Variants in GALC observed in about 807,000 individuals in gnomAD.
GALC encodes galactocerebrosidase.
A neutral mutation model predicts 91.8 loss-of-function variants in GALC; 77 were observed. The ratio of observed to expected loss-of-function variants is 0.84; its 90% CI spans 0.70 to 1.01. The LOEUF (loss-of-function observed/expected upper bound fraction) is 1.01. Among genes scored for constraint, GALC ranks in the 50% least tolerant of loss-of-function variants. GALC has a pLI of 0.00. For missense variants in GALC, 882 were observed against 855.9 expected (o/e 1.03, Z -0.38); for synonymous variants, 357 against 306.7 (o/e 1.16, Z -1.71).
chr14:87,979,518 T>C (rs1886649705), intron 6 of GALC, among the ~76,000 whole-genome samples: 1 of 152,216 alleles, frequency 6.6e-6, no homozygotes. Flanking sequence ...ACAATTAGTC[T>C]TTCAAACCAG....
At chr14:87,954,638 C>CT (rs1343149858) in intron 10 of GALC, 9 of 1,581,078 alleles carry the variant, frequency 5.7e-6, no homozygotes, top group Non-Finnish European at 6.9e-6. Flanking sequence ...AGCAACCCAC[C>CT]TAGAGGATAA....
At chr14:87,944,852 G>A (rs1884999988) in intron 14 of GALC, among the ~76,000 whole-genome samples, 1 of 151,848 alleles carries the variant, frequency 6.6e-6, no homozygotes, top group East Asian at 1.9e-4. Flanking sequence ...GGTATTACTA[G>A]TACTAGCTCT....
chr14:87,974,381 T>C (rs749615618), intron 7 of GALC, among the ~76,000 whole-genome samples: 84 of 152,178 alleles, frequency 5.5e-4, no homozygotes, highest in Middle Eastern at 3.4e-3. Context: ...AAGAAATAAA[T>C]CATAATGAAG....
At chr14:87,970,202 T>C (rs1440897147) in intron 7 of GALC, among the ~76,000 whole-genome samples, 1 of 152,192 alleles carries the variant, frequency 6.6e-6, no homozygotes, top group East Asian at 1.9e-4. Flanking sequence ...ACTCATCTAG[T>C]TGTCATCCAG....
chr14:87,950,617 T>C (rs1885262601), intron 11 of GALC, 42 bp downstream of exon 11: 2 of 1,240,680 alleles, frequency 1.6e-6, no homozygotes, highest in Middle Eastern at 2.1e-4. Context: ...ATATATAAAT[T>C]CTTAAATCAA....
intron 1 of GALC, chr14:87,992,718 C>T (rs1201212631): frequency 7.0e-7 from 1 of 1,429,480 alleles, no homozygotes; most frequent in East Asian, 2.5e-5. Flanking sequence ...CTCTCTGCAC[C>T]TATACTCTCT....
At chr14:87,950,938 G>C (rs1461080420) in intron 10 of GALC, among the ~76,000 whole-genome samples, 190 bp from the exon 11 acceptor site, 2 of 151,568 alleles carry the variant, frequency 1.3e-5, no homozygotes, top group East Asian at 1.9e-4. Context: ...TATGTTCCTA[G>C]TCAAATACAA....
At position 87,982,531 on chromosome 14, in the gene GALC, C is replaced by T. The variant is rs74563284; in HGVS notation, c.583-288G>A. 0.11 allele frequency among the ~76,000 whole-genome samples: 17,206 copies of T among 152,146 alleles called. 1,146 individuals are homozygous for T. Among genetic ancestry groups the T allele is most frequent in the Non-Finnish European group, 0.16 (10,618 of 67,980 alleles). ...ATGGAATATTCATTAATTCATTCAA[C>T]ACATACTGACAGTACAATGTGTGCC... On this transcript the variant is annotated intron_variant, in intron 5 of 16. Coordinates refer to ENST00000261304, the MANE Select transcript of GALC (RefSeq NM_000153.4).
chr14:87,948,362 G>A (rs769454601), intron 12 of GALC, among the ~76,000 whole-genome samples: 37 of 152,068 alleles, frequency 2.4e-4, no homozygotes, highest in Non-Finnish European at 4.7e-4. Flanking sequence ...ATTTCAACTA[G>A]CAAGTTAGGC....
intron 1 of GALC, among the ~76,000 whole-genome samples, chr14:87,990,532 G>A (rs115196956): frequency 0.035 from 5,337 of 152,306 alleles, 319 homozygotes; most frequent in African/African-American, 0.12. Flanking sequence ...CAACCTAGCA[G>A]AGGCTCCAAT....
intron 14 of GALC, 51 bp downstream of exon 14, chr14:87,945,502 A>T: frequency 7.6e-7 from 1 of 1,310,736 alleles, no homozygotes; most frequent in Non-Finnish European, 1.1e-6. Flanking sequence ...TGTACCTGAC[A>T]ATATTACAAG....
At chr14:87,947,901 A>T in intron 12 of GALC, 23 bp from the exon 13 acceptor site, 1 of 1,607,750 alleles carries the variant, frequency 6.2e-7, no homozygotes, top group Non-Finnish European at 8.5e-7. Context: ...ACACTACTGT[A>T]TTCAGGACCA....
intron 1 of GALC, among the ~76,000 whole-genome samples, chr14:87,988,836 CA>C (rs1166697211): frequency 6.6e-6 from 1 of 152,210 alleles, no homozygotes; most frequent in Non-Finnish European, 1.5e-5. Context: ...CACTTGACAA[CA>C]ATATCTCAGG....
At chr14:87,942,915 AAC>A (rs1261934034) in intron 14 of GALC, among the ~76,000 whole-genome samples, 2 of 151,980 alleles carry the variant, frequency 1.3e-5, no homozygotes, top group East Asian at 1.9e-4. Flanking sequence ...ACCAGCATGA[AAC>A]CACTGGCAAT....
intron 16 of GALC, among the ~76,000 whole-genome samples, chr14:87,937,897 G>A (rs1050708838): frequency 3.3e-5 from 5 of 150,604 alleles, no homozygotes; most frequent in African/African-American, 1.2e-4. Context: ...TTTTGTTCCT[G>A]TGTTCTCTCA....
At chr14:87,953,584 T>A (rs1885398179) in intron 10 of GALC, 5 of 1,609,676 alleles carry the variant, frequency 3.1e-6, no homozygotes, top group Non-Finnish European at 3.4e-6. Context: ...AGGAATACTG[T>A]GTTCCCAACT....
intron 5 of GALC, among the ~76,000 whole-genome samples, chr14:87,983,699 G>A (rs530054830): frequency 2.0e-5 from 3 of 152,130 alleles, no homozygotes; most frequent in South Asian, 4.1e-4. Flanking sequence ...TGTGGGGTAC[G>A]ATGCAGCCTG....
chr14:87,973,794 G>A (rs1239338999), intron 7 of GALC, among the ~76,000 whole-genome samples: 17 of 152,146 alleles, frequency 1.1e-4, no homozygotes. Context: ...AGGATGTTTA[G>A]AAACATTCGT....
rs778840042 is a variant in GALC, at chr14:87,986,592, C to T, written c.339G>A (p.Glu113=). 1.1e-5 allele frequency: 17 copies of T among 1,610,624 alleles called. No homozygotes were observed. In the South Asian group the frequency reaches 1.9e-4, roughly 18 times the overall value. The change falls in exon 4 of 17, where the codon GAG becomes GAA. Residue 113 remains glutamate, a synonymous_variant. Coordinates refer to ENST00000261304, the MANE Select transcript of GALC (RefSeq NM_000153.4). ...CTAGTGCATAATGCATGTGGGAGGGCTCAGTGCCGTCTGAATAGAGGAGAG... is the reference window on the plus strand; with the variant it reads ...CTAGTGCATAATGCATGTGGGAGGGTTCAGTGCCGTCTGAATAGAGGAGAG... ...GGDGQTTDGT[E]PSHMHYALDE... is the part of the protein sequence containing the mutation.
Sources: allele counts gnomAD v4.1 joint callset (sites outside exome capture counted in the v4.1 genomes callset), GRCh38; gene constraint gnomAD v4.1.1; transcripts MANE v1.5; gene names NCBI Gene and HGNC (gene_info 2026-07-23, HGNC 2026-07-21).